CEP290: variants seen among roughly 807,000 people sequenced by gnomAD.
CEP290 encodes centrosomal protein 290.
Under a neutral mutation model 344.9 loss-of-function variants are expected in CEP290, and 317 were observed. That is an observed-to-expected ratio of 0.92 (90% CI 0.84 to 1.01). The LOEUF (loss-of-function observed/expected upper bound fraction) is 1.01, where lower values mean the gene tolerates loss of function less well. CEP290 is among the 50% of genes least tolerant of loss of function. The pLI, the probability that CEP290 is intolerant of heterozygous loss-of-function variation, is 0.00. For missense variants in CEP290, 2,754 were observed against 2,761.4 expected (o/e 1.00, Z 0.06); for synonymous variants, 932 against 895.8 (o/e 1.04, Z -0.72).
intron 25 of CEP290, among the ~76,000 whole-genome samples, chr12:88,105,705 G>A (rs772864708): frequency 2.0e-5 from 3 of 151,876 alleles, no homozygotes; most frequent in Non-Finnish European, 4.4e-5. Context: ...TAATAATGGA[G>A]GTATATGGTT....
intron 29 of CEP290, 40 bp downstream of exon 29, chr12:88,092,641 T>C (rs759071912): frequency 2.6e-6 from 4 of 1,553,188 alleles, no homozygotes; most frequent in South Asian, 2.5e-5. Context: ...TTAAAGAAGA[T>C]ACATCTAGTC....
intron 23 of CEP290, among the ~76,000 whole-genome samples, chr12:88,107,518 T>C (rs369393299): frequency 1.3e-5 from 2 of 151,874 alleles, no homozygotes; most frequent in African/African-American, 2.4e-5. Context: ...TACAAACACA[T>C]CTTAAGTCTA....
intron 13 of CEP290, among the ~76,000 whole-genome samples, chr12:88,122,853 G>A (rs533553260): frequency 4.1e-4 from 62 of 152,094 alleles, no homozygotes; most frequent in African/African-American, 6.5e-4. Flanking sequence ...CATTCTCCAC[G>A]TCTTCAATCT....
intron 53 of CEP290, 53 bp downstream of exon 53, chr12:88,050,301 A>G (rs2136563330): frequency 4.8e-6 from 4 of 838,832 alleles, no homozygotes; most frequent in Non-Finnish European, 5.8e-6. Flanking sequence ...TAATGAAAAT[A>G]GTTTTCAACA....
At chr12:88,071,666 A>C in intron 42 of CEP290, 115 bp downstream of exon 42, 1 of 901,612 alleles carries the variant, frequency 1.1e-6, no homozygotes, top group Non-Finnish European at 1.6e-6. Context: ...TAGATAATAA[A>C]TGATCATTTA....
In CEP290 at chr12:88,106,906, C is replaced by A. The variant is rs1247861318; in HGVS notation, c.2587-1G>T. 1 of 1,599,328 alleles carries A rather than the reference C, an allele frequency of 6.3e-7. No homozygotes were observed. The highest frequency in any genetic ancestry group is 1.7e-5 in the Admixed American group (1 of 58,270). ...CCATCTGAAGAGCATTGAGCAAATT[C>A]TGCACAAAGACACATCCATATTACT... On this transcript the variant is annotated splice_acceptor_variant, in intron 24 of 53. Transcript: ENST00000552810. LOFTEE classifies it high-confidence loss of function.
intron 6 of CEP290, among the ~76,000 whole-genome samples, chr12:88,132,611 AAGAGAC>A (rs1356055571): frequency 6.6e-5 from 10 of 152,222 alleles, no homozygotes; most frequent in African/African-American, 2.4e-4. Context: ...TTGAACAAAC[AAGAGAC>A]AGAGAAATAC....
rs758970109 is a variant in CEP290, at chr12:88,116,678, TA to T, written c.1824+354del. On this transcript the variant is annotated intron_variant, in intron 18 of 53. Coordinates refer to ENST00000552810, the MANE Select transcript of CEP290 (RefSeq NM_025114.4). ...AAAGGGGGAAGAAATGAAAACACAA[TA>T]AAAATATTTTCCTGGCCGGGCGCGG... is the stretch of plus-strand genomic sequence containing the variant. Among the ~76,000 whole-genome samples the T allele has an allele frequency of 4.5e-4, 69 of 151,998 alleles. 1 individual carries two copies. Among genetic ancestry groups the T allele is most frequent in the Non-Finnish European group, 7.2e-4 (49 of 67,958 alleles).
chr12:88,060,703 T>C (rs1214516697), intron 47 of CEP290, 127 bp downstream of exon 47: 3 of 655,274 alleles, frequency 4.6e-6, no homozygotes, highest in Non-Finnish European at 7.3e-6. Context: ...TTTTTTTCTA[T>C]ATTTATAAAA....
At chr12:88,089,828 G>A (rs1421491047) in intron 30 of CEP290, among the ~76,000 whole-genome samples, 1 of 150,568 alleles carries the variant, frequency 6.6e-6, no homozygotes, top group African/African-American at 2.4e-5. Flanking sequence ...CCGGGTTCAA[G>A]CAATTCTCCT....
intron 18 of CEP290, 61 bp from the exon 19 acceptor site, chr12:88,115,243 T>A (rs1430860494): frequency 1.0e-6 from 1 of 958,276 alleles, no homozygotes; most frequent in Non-Finnish European, 1.6e-6. Flanking sequence ...AGTCTATAAT[T>A]TTCAAGTTAA....
chr12:88,049,154 G>GTT lies in CEP290; in HGVS notation c.*28_*29dup. The GTT allele has an allele frequency of 3.0e-6, 4 of 1,333,766 alleles. No homozygotes were observed. Among genetic ancestry groups the GTT allele is most frequent in the Non-Finnish European group, 4.2e-6 (4 of 958,086 alleles). The allele number at this position is 1,333,766 out of a possible 1,614,324, so 82.6% of individuals were successfully genotyped here. A position where few individuals can be genotyped will look rare whatever the true frequency, so the allele number is the denominator to read the frequency against. On this transcript the variant is annotated 3_prime_UTR_variant, in exon 54 of 54. Coordinates refer to ENST00000552810, the MANE Select transcript of CEP290 (RefSeq NM_025114.4). The stretch of plus-strand genomic sequence containing the variant: ...ATTTAACTTATAAAGTTAATAAATA[G>GTT]TTAAATGAAACAAAGTTTATAGGTG...
chr12:88,140,645 C>G (rs548690386), intron 3 of CEP290, among the ~76,000 whole-genome samples: 1 of 152,212 alleles, frequency 6.6e-6, no homozygotes, highest in Non-Finnish European at 1.5e-5. Context: ...TCTCTTAAAT[C>G]ATTTCCCCTC....
At position 88,129,711 on chromosome 12, in the gene CEP290, C is replaced by A. The variant is rs796540607; in HGVS notation, c.835G>T (p.Asp279Tyr). The A allele has an allele frequency of 4.9e-6, 7 of 1,437,200 alleles. No individual in the cohort carries two copies. The highest frequency in any genetic ancestry group is 1.5e-5 in the African/African-American group (1 of 67,860). The allele number at this position is 1,437,200 out of a possible 1,614,324, so 89.0% of individuals were successfully genotyped here. The change falls in exon 10 of 54, where the codon GAT (aspartate) becomes TAT (tyrosine). Residue 279 changes from aspartate to tyrosine, a missense_variant. Coordinates refer to ENST00000552810, the MANE Select transcript of CEP290 (RefSeq NM_025114.4). ...NVIDQLKKEN[D>Y]HYQLQVQELT... ...ATTCTTACTTGAAGTTGATAATGAT[C>A]GTTTTCTTTTTTTAACTGATCTATT...
chr12:88,127,484 T>C (rs892423615), intron 11 of CEP290, among the ~76,000 whole-genome samples: 7 of 151,934 alleles, frequency 4.6e-5, no homozygotes, highest in African/African-American at 7.3e-5. Flanking sequence ...TGAGACTCTG[T>C]CTCAAAAACA....
rs892306905 is a variant in CEP290 at position 88,121,185 on chromosome 12, A to G, written c.1190-19T>C. On this transcript the variant is annotated intron_variant, in intron 13 of 53. Transcript: ENST00000552810. Reference sequence around the variant, plus strand: ...GAAGCACCTACAGAGTAAAAACAAAAATCATGAATTGAATTGACTACTTAT... The same window carrying G: ...GAAGCACCTACAGAGTAAAAACAAAGATCATGAATTGAATTGACTACTTAT... The G allele has an allele frequency of 1.9e-6, 3 of 1,594,698 alleles. No homozygotes were observed. The highest frequency in any genetic ancestry group is 1.7e-6 in the Non-Finnish European group (2 of 1,168,762).
In CEP290 at chr12:88,120,273, C is replaced by A. The variant is rs764101974; in HGVS notation, c.1363G>T (p.Val455Leu). 7.6e-7 allele frequency: 1 copy of A among 1,315,112 alleles called. No homozygotes were observed. Among genetic ancestry groups the A allele is most frequent in the East Asian group, 2.8e-5 (1 of 36,226 alleles). 81.5% of individuals were successfully genotyped at this position (1,315,112 alleles called of 1,614,324 possible). A position where few individuals can be genotyped will look rare whatever the true frequency, so the allele number is the denominator to read the frequency against. The change falls in exon 15 of 54, where the codon GTA becomes TTA. Residue 455 changes from valine (V) to leucine (L), a missense_variant. Coordinates refer to ENST00000552810, the MANE Select transcript of CEP290 (RefSeq NM_025114.4). ...ACGACAGCATCTTCTAAACCATATA[C>A]TCCCTGAAAAATATCCAATTTAATT... ...LKRLKDYESG[V>L]YGLEDAVVEI...
rs1477632291 is a variant in CEP290 at position 88,111,854 on chromosome 12, A to G, written c.2057T>C (p.Ile686Thr). 4 of 1,566,258 alleles carry G rather than the reference A, an allele frequency of 2.6e-6. No homozygotes were observed. The highest frequency in any genetic ancestry group is 3.5e-6 in the Non-Finnish European group (4 of 1,158,112). ...GATTCCTTCTGCATTCTTTGATTCT[A>G]TAGCCTAGCAAATTTATATTATATA... is the stretch of plus-strand genomic sequence containing the variant. The part of the protein sequence containing the change: ...IPSLERLVNA[I>T]ESKNAEGIFD... The change falls in exon 21 of 54, where the codon ATA becomes ACA. Residue 686 changes from isoleucine (I) to threonine (T), a missense_variant. Transcript: ENST00000552810.
At chr12:88,081,101 G>T (rs1412064374) in intron 37 of CEP290, among the ~76,000 whole-genome samples, 1 of 151,994 alleles carries the variant, frequency 6.6e-6, no homozygotes, top group Non-Finnish European at 1.5e-5. Flanking sequence ...TTTGTTGGTG[G>T]TGGGGCTGCC....
Sources: allele counts gnomAD v4.1 joint callset (sites outside exome capture counted in the v4.1 genomes callset), GRCh38; gene constraint gnomAD v4.1.1; transcripts MANE v1.5; gene names NCBI Gene and HGNC (gene_info 2026-07-23, HGNC 2026-07-21).